Variants in PRPSAP2 observed in about 807,000 individuals in gnomAD.
PRPSAP2 encodes the protein phosphoribosyl pyrophosphate synthase-associated protein 2.
A neutral mutation model predicts 40.6 loss-of-function variants in PRPSAP2; 24 were observed. The observed-to-expected ratio is 0.59, with a 90% CI of 0.43 to 0.83. The LOEUF is 0.83. Among genes scored for constraint, PRPSAP2 ranks in the 40% least tolerant of loss-of-function variants. The pLI is 0.00. For synonymous variants in PRPSAP2, 149 were observed against 164.7 expected (o/e 0.90, Z 0.73); for missense variants, 292 against 465.6 (o/e 0.63, Z 3.43).
chr17:18,874,496 TTA>T (rs996638421), intron 5 of PRPSAP2, among the ~76,000 whole-genome samples: 2 of 152,234 alleles, frequency 1.3e-5, no homozygotes, highest in Admixed American at 6.5e-5. Context: ...GGTCTTTGGT[TTA>T]TTGGGATGAA....
intron 8 of PRPSAP2, among the ~76,000 whole-genome samples, chr17:18,892,090 T>G (rs925782623): frequency 1.3e-5 from 2 of 152,142 alleles, no homozygotes; most frequent in Admixed American, 1.3e-4. Flanking sequence ...CTCCTGACCT[T>G]GTGATCTGCC....
intron 9 of PRPSAP2, among the ~76,000 whole-genome samples, chr17:18,912,319 A>C (rs1376578785): frequency 1.3e-5 from 2 of 152,166 alleles, no homozygotes; most frequent in Non-Finnish European, 2.9e-5. Context: ...TGACAAGGGC[A>C]CTGACCCCCT....
chr17:18,867,043 G>T (rs2037482776), intron 3 of PRPSAP2, among the ~76,000 whole-genome samples: 1 of 152,116 alleles, frequency 6.6e-6, no homozygotes, highest in Non-Finnish European at 1.5e-5. Context: ...GAGTGTCCAA[G>T]GAAGATGGCT....
chr17:18,901,504 C>G (rs1039286905), intron 8 of PRPSAP2, among the ~76,000 whole-genome samples: 1 of 151,940 alleles, frequency 6.6e-6, no homozygotes, highest in African/African-American at 2.4e-5. Flanking sequence ...CTCAGCCTCC[C>G]GAGTAGCTGG....
intron 1 of PRPSAP2, among the ~76,000 whole-genome samples, chr17:18,862,764 A>G (rs899942620): frequency 2.6e-5 from 4 of 152,028 alleles, no homozygotes; most frequent in Admixed American, 1.3e-4. Flanking sequence ...GTTTGTTTTT[A>G]TTTATTTTCC....
Position 18,877,749 on chromosome 17 carries a change from G to C in PRPSAP2, c.291G>C (p.Lys97Asn). 1 of 1,613,902 alleles carries C rather than the reference G, an allele frequency of 6.2e-7. No homozygotes were observed. ...MELLIMVYAC[K>N]TSCAKSIIGV... Reference sequence around the variant, plus strand: ...TCCTGATCATGGTGTATGCATGTAAGACCTCTTGTGCCAAGAGCATCATTG... The same window carrying C: ...TCCTGATCATGGTGTATGCATGTAACACCTCTTGTGCCAAGAGCATCATTG... The change falls in exon 6 of 12, where the codon AAG becomes AAC. Residue 97 changes from lysine (K) to asparagine (N), a missense_variant. This residue lies in a region of PRPSAP2 where 241 missense variants were observed against 425.7 expected (regional missense o/e 0.57). Coordinates refer to ENST00000268835, the MANE Select transcript of PRPSAP2 (RefSeq NM_002767.4).
At chr17:18,903,124 T>C (rs2040381864) in intron 8 of PRPSAP2, among the ~76,000 whole-genome samples, 1 of 151,946 alleles carries the variant, frequency 6.6e-6, no homozygotes, top group Non-Finnish European at 1.5e-5. Context: ...TAGATCATAC[T>C]ACATTAAATG....
At chr17:18,914,729 C>CTT (rs35061539) in intron 9 of PRPSAP2, among the ~76,000 whole-genome samples, 73 of 143,848 alleles carry the variant, frequency 5.1e-4, no homozygotes, top group South Asian at 3.1e-3. Flanking sequence ...TTTCACTGCC[C>CTT]TTTTTTTTTT....
At chr17:18,883,580 G>T (rs2038921060) in intron 7 of PRPSAP2, among the ~76,000 whole-genome samples, 1 of 151,660 alleles carries the variant, frequency 6.6e-6, no homozygotes. Flanking sequence ...GTAGAGATGG[G>T]GTTTCACCAT....
chr17:18,867,452 G>A (rs2037517134), intron 4 of PRPSAP2, 118 bp downstream of exon 4: 1 of 1,248,896 alleles, frequency 8.0e-7, no homozygotes, highest in Non-Finnish European at 1.1e-6. Flanking sequence ...CCATTAGCAA[G>A]AAGTCAGGCA....
At chr17:18,902,869 C>CAAA (rs58345106) in intron 8 of PRPSAP2, among the ~76,000 whole-genome samples, 11 of 73,298 alleles carry the variant, frequency 1.5e-4, no homozygotes, top group South Asian at 5.9e-4. Context: ...AACTCCATCT[C>CAAA]AAAAAAAAAA....
Position 18,930,781 on chromosome 17 carries a change from C to A in PRPSAP2, c.*83C>A. 2 of 1,275,554 alleles carry A rather than the reference C, an allele frequency of 1.6e-6. No individual in the cohort carries two copies. The highest frequency in any genetic ancestry group is 2.1e-6 in the Non-Finnish European group (2 of 939,246). The allele number at this position is 1,275,554 out of a possible 1,614,324, so 79.0% of individuals were successfully genotyped here. ...GTGGGATGGATTTCACAGGAACCGTCATGCTTGTTCCTCCCTCTCCCCTGT... is the reference window on the plus strand; with the variant it reads ...GTGGGATGGATTTCACAGGAACCGTAATGCTTGTTCCTCCCTCTCCCCTGT... On this transcript the variant is annotated 3_prime_UTR_variant, in exon 12 of 12. Coordinates refer to ENST00000268835, the MANE Select transcript of PRPSAP2 (RefSeq NM_002767.4).
intron 8 of PRPSAP2, among the ~76,000 whole-genome samples, chr17:18,903,222 G>GTTCAAGAACAGCCTGGGCAAC (rs2040388180): frequency 7.9e-5 from 12 of 151,886 alleles, no homozygotes; most frequent in African/African-American, 2.9e-4. Context: ...GAGGTCAGGA[G>GTTCAAGAACAGCCTGGGCAAC]AATTGCTTGA....
At chr17:18,910,976 T>A in intron 8 of PRPSAP2, 127 bp from the exon 9 acceptor site, 3 of 1,160,880 alleles carry the variant, frequency 2.6e-6, no homozygotes, top group Non-Finnish European at 3.4e-6. Context: ...GCTGTTTTAT[T>A]CTCTCTTTTC....
chr17:18,857,083 C>G (rs2036629504), upstream of PRPSAP2, among the ~76,000 whole-genome samples: 1 of 152,138 alleles, frequency 6.6e-6, no homozygotes, highest in Non-Finnish European at 1.5e-5. Flanking sequence ...CCTGTAACCC[C>G]AGGACTTTAG....
At chr17:18,925,093 C>T (rs117607818) in intron 10 of PRPSAP2, among the ~76,000 whole-genome samples, 6,195 of 151,984 alleles carry the variant, frequency 0.041, 204 homozygotes, top group Middle Eastern at 0.068. Flanking sequence ...GCACTCTAGC[C>T]TGGGCGAAAG....
At chr17:18,873,190 TC>T (rs2038018601) in intron 5 of PRPSAP2, among the ~76,000 whole-genome samples, 1 of 113,098 alleles carries the variant, frequency 8.8e-6, no homozygotes, top group African/African-American at 3.4e-5. Context: ...GAGTAGAGGC[TC>T]TTTTTTTTTT....
At chr17:18,881,916 C>G (rs903366332) in intron 6 of PRPSAP2, among the ~76,000 whole-genome samples, 3 of 147,630 alleles carry the variant, frequency 2.0e-5, no homozygotes, top group Non-Finnish European at 3.0e-5. Flanking sequence ...TCTTGGCTCA[C>G]TGCAACCTCT....
intron 9 of PRPSAP2, among the ~76,000 whole-genome samples, chr17:18,921,763 AG>A (rs1480941486): frequency 1.3e-5 from 2 of 152,226 alleles, no homozygotes; most frequent in Non-Finnish European, 2.9e-5. Flanking sequence ...GCAGTTGAAA[AG>A]TCCCAATCTA....
Sources: gnomAD v4.1 joint callset for allele counts (sites outside exome capture counted in the v4.1 genomes callset) on GRCh38, gnomAD v4.1.1 for gene constraint, gnomAD v4.1.1 regional missense constraint, MANE v1.5 for transcripts, NCBI Gene and HGNC (gene_info 2026-07-23, HGNC 2026-07-21) for gene names.